Variants in SLC25A19 observed in about 807,000 individuals in gnomAD.
SLC25A19 encodes the protein solute carrier family 25 member 19.
Under a neutral mutation model 27.9 loss-of-function variants are expected in SLC25A19, and 18 were observed. That is an observed-to-expected ratio of 0.64 (90% CI 0.45 to 0.96). The LOEUF (loss-of-function observed/expected upper bound fraction) is 0.96, where lower values mean the gene tolerates loss of function less well. SLC25A19 is among the 40% of genes least tolerant of loss of function. The pLI, the probability that SLC25A19 is intolerant of heterozygous loss-of-function variation, is 0.00. For synonymous variants in SLC25A19, 169 were observed against 167.1 expected, an observed-to-expected ratio of 1.01 and a Z score of -0.09; for missense variants, 371 against 418.3, an observed-to-expected ratio of 0.89 and a Z score of 0.99.
intron 5 of SLC25A19, among the ~76,000 whole-genome samples, chr17:75,281,455 G>A (rs1643727553): frequency 6.6e-6 from 1 of 152,116 alleles, no homozygotes; most frequent in Non-Finnish European, 1.5e-5. Flanking sequence ...CCAGCACTTT[G>A]GGAGACAGAG....
rs969859050 is a variant in SLC25A19, at chr17:75,284,381, C to A, written c.289-788G>T. 3.3e-5 allele frequency among the ~76,000 whole-genome samples: 5 copies of A among 152,222 alleles called. No homozygotes were observed. The South Asian group carries it at 1.0e-3, about 32-fold the overall frequency. ...TTGCGCCACTGCACTCCAGCCTGGG[C>A]AACAGAGTGAGACTCTGTCTCAAGA... is the stretch of plus-strand genomic sequence containing the variant. On this transcript the variant is annotated intron_variant, in intron 4 of 7. Transcript: ENST00000416858.
rs147217049 is a variant in SLC25A19 at position 75,286,676 on chromosome 17, C to T, written c.89G>A (p.Arg30Gln). Reference protein sequence around the residue: ...VAGSVSGLVTRALISPFDVIK... With the variant: ...VAGSVSGLVTQALISPFDVIK... ...GACGTCGAAGGGACTGATCAGCGCCCGAGTAACAAGTCCAGACACAGACCC... is the reference window on the plus strand; with the variant it reads ...GACGTCGAAGGGACTGATCAGCGCCTGAGTAACAAGTCCAGACACAGACCC... Residue 30 changes from arginine to glutamine, a missense_variant, in exon 3 of 8, where the codon CGG becomes CAG. Arg to Gln is a conservative substitution (Grantham distance 43, BLOSUM62 1). Coordinates refer to ENST00000416858, the MANE Select transcript of SLC25A19 (RefSeq NM_001126121.2). The T allele has an allele frequency of 7.4e-6, 12 of 1,614,122 alleles. No individual in the cohort carries two copies. The highest frequency in any genetic ancestry group is 1.7e-5 in the Admixed American group (1 of 59,996).
chr17:75,278,269 T>G lies in SLC25A19; in HGVS notation c.526A>C (p.Lys176Gln), dbSNP rs1166161325. Residue 176 changes from lysine to glutamine, a missense_variant, in exon 6 of 8, where the codon AAA (lysine) becomes CAA (glutamine). Physicochemically the swap from Lys to Gln is moderately conservative, Grantham distance 53. Coordinates refer to ENST00000416858, the MANE Select transcript of SLC25A19 (RefSeq NM_001126121.2). ...YRSEGPQVFY[K>Q]GLAPTLIAIF... is the part of the protein sequence containing the mutation. ...GCGATCAAGGTGGGAGCCAAGCCTT[T>G]GTAGAAAACCTGGGGGCCTTCGCTC... 1 of 1,614,074 alleles carries G rather than the reference T, an allele frequency of 6.2e-7. No individual in the cohort carries two copies. Among genetic ancestry groups the G allele is most frequent in the Admixed American group, 1.7e-5 (1 of 60,010 alleles).
intron 5 of SLC25A19, 42 bp from the exon 6 acceptor site, chr17:75,278,377 T>C: frequency 6.2e-7 from 1 of 1,611,084 alleles, no homozygotes. Flanking sequence ...AGTGAAGTGG[T>C]TTTAGCCCTG....
At chr17:75,279,642 G>T (rs966237306) in intron 5 of SLC25A19, among the ~76,000 whole-genome samples, 3 of 151,464 alleles carry the variant, frequency 2.0e-5, no homozygotes, top group Admixed American at 6.6e-5. Context: ...CCGAGTAGCT[G>T]TGATTATAGG....
Position 75,283,897 on chromosome 17 carries a change from C to T in SLC25A19, c.289-304G>A, listed in dbSNP as rs113548569. ...CTGGGGGGCCGAGGCGGGCAGATCA[C>T]GAGGTCACAAGTTCGAGACCAGCCG... is the stretch of plus-strand genomic sequence containing the variant. On this transcript the variant is annotated intron_variant, in intron 4 of 7. Coordinates refer to ENST00000416858, the MANE Select transcript of SLC25A19 (RefSeq NM_001126121.2). Among the ~76,000 whole-genome samples, 892 of 151,856 alleles carry T rather than the reference C, an allele frequency of 5.9e-3. 9 individuals carry two copies. Among genetic ancestry groups the T allele is most frequent in the African/African-American group, 0.02 (816 of 41,428 alleles).
At chr17:75,277,326 C>G in intron 7 of SLC25A19, 27 bp downstream of exon 7, 2 of 1,610,964 alleles carry the variant, frequency 1.2e-6, no homozygotes, top group East Asian at 2.2e-5. Flanking sequence ...AGGGTCAGAG[C>G]TGTCTGCCTG....
chr17:75,275,190 G>A (rs551407855), intron 7 of SLC25A19, among the ~76,000 whole-genome samples: 18 of 151,658 alleles, frequency 1.2e-4, no homozygotes, highest in African/African-American at 4.1e-4. Flanking sequence ...ACGGGGTCTT[G>A]CTATGTTGAC....
intron 7 of SLC25A19, among the ~76,000 whole-genome samples, chr17:75,275,761 C>CT (rs2077868384): frequency 6.6e-6 from 1 of 152,010 alleles, no homozygotes; most frequent in Non-Finnish European, 1.5e-5. Flanking sequence ...TCAAGACCAC[C>CT]TTGGCCAATG....
intron 4 of SLC25A19, among the ~76,000 whole-genome samples, chr17:75,284,551 A>G (rs966469128): frequency 6.6e-6 from 1 of 151,742 alleles, no homozygotes; most frequent in Non-Finnish European, 1.5e-5. Flanking sequence ...TGGTGGCGGC[A>G]CTGTTCGAGA....
At chr17:75,274,126 A>G (rs1006762048) in intron 7 of SLC25A19, among the ~76,000 whole-genome samples, 1 of 152,178 alleles carries the variant, frequency 6.6e-6, no homozygotes, top group Non-Finnish European at 1.5e-5. Context: ...AACAGATGAC[A>G]GGCCTAGAAA....
At chr17:75,283,816 G>T (rs1296458124) in intron 4 of SLC25A19, among the ~76,000 whole-genome samples, 1 of 152,122 alleles carries the variant, frequency 6.6e-6, no homozygotes, top group East Asian at 1.9e-4. Context: ...CACTCAAAGG[G>T]TTAAGAAGAT....
At chr17:75,277,580 C>T in intron 6 of SLC25A19, 97 bp from the exon 7 acceptor site, 2 of 1,416,650 alleles carry the variant, frequency 1.4e-6, no homozygotes, top group Non-Finnish European at 2.0e-6. Flanking sequence ...CACCACAAAC[C>T]AAACCCCACA....
intron 5 of SLC25A19, 71 bp downstream of exon 5, chr17:75,283,352 A>C: frequency 7.2e-7 from 1 of 1,394,872 alleles, no homozygotes. Flanking sequence ...TAAATAAAAA[A>C]TAAAGAATGC....
At chr17:75,287,070 T>C (rs928221333) in intron 2 of SLC25A19, 19 of 357,418 alleles carry the variant, frequency 5.3e-5, no homozygotes, top group African/African-American at 3.2e-4. Context: ...TAAAATAAAA[T>C]AGCACTTGTT....
At chr17:75,278,099 G>T in intron 6 of SLC25A19, 53 bp downstream of exon 6, 1 of 1,583,140 alleles carries the variant, frequency 6.3e-7, no homozygotes, top group Non-Finnish European at 8.7e-7. Flanking sequence ...TTGGAAGGGG[G>T]TGTTCTGGTG....
At position 75,285,616 on chromosome 17, in the gene SLC25A19, T is replaced by C. The variant is rs375525396; in HGVS notation, c.288+688A>G. On this transcript the variant is annotated intron_variant, in intron 4 of 7. Transcript: ENST00000416858. ...CTAGGTGGGGGTCGTGGCTCTGCCA[T>C]TTTCTAGCCAGTGGCTTTGGTTGGG... Among the ~76,000 whole-genome samples the C allele has an allele frequency of 4.6e-5, 7 of 152,164 alleles. No homozygotes were observed. The East Asian group carries it at 7.7e-4, about 17-fold the overall frequency.
intron 5 of SLC25A19, among the ~76,000 whole-genome samples, chr17:75,279,812 CTT>C (rs927604511): frequency 6.6e-6 from 1 of 152,044 alleles, no homozygotes; most frequent in Non-Finnish European, 1.5e-5. Context: ...CAGCCCAATT[CTT>C]TGTTTTTTTT....
intron 4 of SLC25A19, 147 bp downstream of exon 4, chr17:75,286,157 G>A (rs2078174841): frequency 1.0e-6 from 1 of 965,942 alleles, no homozygotes; most frequent in African/African-American, 1.6e-5. Flanking sequence ...TGCTGGTCAG[G>A]AAGGCTCCCG....
Sources: allele counts gnomAD v4.1 joint callset (sites outside exome capture counted in the v4.1 genomes callset), GRCh38; gene constraint gnomAD v4.1.1; transcripts MANE v1.5; gene names NCBI Gene and HGNC (gene_info 2026-07-23, HGNC 2026-07-21).